The following BNIP2 variants were observed in gnomAD, a reference collection of about 807,000 sequenced individuals.
BNIP2 encodes the protein BCL2 interacting protein 2.
Under a neutral mutation model 43.4 loss-of-function variants are expected in BNIP2, and 36 were observed. The observed-to-expected ratio is 0.83, with a 90% CI of 0.64 to 1.10. The LOEUF (loss-of-function observed/expected upper bound fraction) is 1.10, where lower values mean the gene tolerates loss of function less well. Ranked by LOEUF, BNIP2 falls within the 50% of genes least tolerant of loss-of-function variation. BNIP2 has a pLI of 0.00. For synonymous variants in BNIP2, 146 were observed against 121.0 expected (o/e 1.21, Z -1.35); for missense variants, 417 against 374.1 (o/e 1.11, Z -0.95).
In BNIP2 at chr15:59,659,302, A is replaced by C. The variant is rs1257399951; in HGVS notation, c.*4767T>G. The C allele has an allele frequency of 1.3e-5, 2 of 152,238 alleles. No individual in the cohort carries two copies. The highest frequency in any genetic ancestry group is 4.8e-5 in the African/African-American group (2 of 41,456). 9.4% of individuals were successfully genotyped at this position (152,238 alleles called of 1,614,324 possible). The stretch of plus-strand genomic sequence containing the variant: ...TGGTATTTCTTACAGGGACCACATT[A>C]ATATCTTGCACACACAGACATCAGA... On this transcript the variant is annotated 3_prime_UTR_variant, in exon 10 of 10. Coordinates refer to ENST00000607373, the MANE Select transcript of BNIP2 (RefSeq NM_004330.4).
At chr15:59,668,396 C>G (rs1206698617) in intron 9 of BNIP2, among the ~76,000 whole-genome samples, 2 of 152,112 alleles carry the variant, frequency 1.3e-5, no homozygotes, top group Non-Finnish European at 2.9e-5. Flanking sequence ...AGCCTTCTAC[C>G]AAGTCCAAGA....
At chr15:59,674,189 C>A (rs576234100) in intron 5 of BNIP2, among the ~76,000 whole-genome samples, 1 of 151,502 alleles carries the variant, frequency 6.6e-6, no homozygotes, top group Non-Finnish European at 1.5e-5. Context: ...TATGTTTCAA[C>A]AGCAGTCTTT....
intron 6 of BNIP2, among the ~76,000 whole-genome samples, chr15:59,671,887 G>A (rs1892953752): frequency 6.6e-6 from 1 of 152,098 alleles, no homozygotes; most frequent in East Asian, 1.9e-4. Flanking sequence ...ACCAACCCTG[G>A]CAACATAGTG....
At chr15:59,681,018 TAAC>T (rs1893635052) in intron 2 of BNIP2, among the ~76,000 whole-genome samples, 1 of 152,188 alleles carries the variant, frequency 6.6e-6, no homozygotes, top group South Asian at 2.1e-4. Context: ...ATAAAACATG[TAAC>T]AATTTTAAAC....
Position 59,662,211 on chromosome 15 carries a change from T to A in BNIP2, c.*1858A>T, listed in dbSNP as rs1163675314. On this transcript the variant is annotated 3_prime_UTR_variant, in exon 10 of 10. Transcript: ENST00000607373. ...CAGCCCATTTTGAGCAAGATAAAGA[T>A]GTACAGATGAAAGACTACGTTAAAT... is the stretch of plus-strand genomic sequence containing the variant. 6.6e-6 allele frequency: 1 copy of A among 152,212 alleles called. No individual in the cohort carries two copies. Among genetic ancestry groups the A allele is most frequent in the Admixed American group, 6.5e-5 (1 of 15,284 alleles). 9.4% of individuals were successfully genotyped at this position (152,212 alleles called of 1,614,324 possible). A position where few individuals can be genotyped will look rare whatever the true frequency, so the allele number is the denominator to read the frequency against.
At chr15:59,673,389 C>T (rs1893058369) in intron 5 of BNIP2, among the ~76,000 whole-genome samples, 1 of 150,360 alleles carries the variant, frequency 6.7e-6, no homozygotes, top group African/African-American at 2.5e-5. Flanking sequence ...GCTGGGATTA[C>T]AGGCGTGAGC....
At position 59,664,039 on chromosome 15, in the gene BNIP2, C is replaced by G. The variant is rs1423668019; in HGVS notation, c.*30G>C. 6.6e-7 allele frequency: 1 copy of G among 1,510,406 alleles called. No homozygotes were observed. Among genetic ancestry groups the G allele is most frequent in the Non-Finnish European group, 8.9e-7 (1 of 1,120,400 alleles). The allele number at this position is 1,510,406 out of a possible 1,614,324, so 93.6% of individuals were successfully genotyped here. ...AACAGCACTGCTCCATCAGCACATT[C>G]TTCAGTCTTGTTTGGACTAGATGCC... On this transcript the variant is annotated 3_prime_UTR_variant, in exon 10 of 10. Coordinates refer to ENST00000607373, the MANE Select transcript of BNIP2 (RefSeq NM_004330.4).
At chr15:59,665,712 T>C (rs1257763710) in intron 9 of BNIP2, among the ~76,000 whole-genome samples, 1 of 152,242 alleles carries the variant, frequency 6.6e-6, no homozygotes, top group Admixed American at 6.5e-5. Flanking sequence ...AAGGATTACA[T>C]AATTACCACA....
chr15:59,685,618 A>G (rs553977571), intron 1 of BNIP2, among the ~76,000 whole-genome samples: 7 of 152,234 alleles, frequency 4.6e-5, no homozygotes, highest in South Asian at 4.1e-4. Context: ...TATCATATTG[A>G]ATCATGTGTT....
At chr15:59,686,545 C>A (rs141694733) in intron 1 of BNIP2, among the ~76,000 whole-genome samples, 12 of 152,084 alleles carry the variant, frequency 7.9e-5, no homozygotes, top group African/African-American at 2.7e-4. Context: ...CCCGGGCAAG[C>A]CTTTCACTTC....
intron 3 of BNIP2, 101 bp downstream of exon 3, chr15:59,680,140 G>C (rs1361626467): frequency 2.1e-6 from 2 of 935,150 alleles, no homozygotes; most frequent in African/African-American, 1.7e-5. Context: ...TTCTATGATG[G>C]AATAAAAACT....
In BNIP2 at chr15:59,677,439, T is replaced by C. The variant is rs1430573914; in HGVS notation, c.472+472A>G. The C allele has an allele frequency of 4.9e-5, 71 of 1,445,608 alleles. No individual in the cohort carries two copies. In the East Asian group the frequency reaches 1.6e-3, roughly 32 times the overall value. The allele number at this position is 1,445,608 out of a possible 1,614,324, so 89.5% of individuals were successfully genotyped here. On this transcript the variant is annotated intron_variant, in intron 5 of 9. Coordinates refer to ENST00000607373, the MANE Select transcript of BNIP2 (RefSeq NM_004330.4). ...ACACAGTCCTAGGAACCATTATGGATATAGTGCATCTCAGAGCCATAGAGC... is the reference window on the plus strand; with the variant it reads ...ACACAGTCCTAGGAACCATTATGGACATAGTGCATCTCAGAGCCATAGAGC...
intron 6 of BNIP2, among the ~76,000 whole-genome samples, chr15:59,671,661 GTTT>G (rs2141996843): frequency 6.6e-6 from 1 of 152,248 alleles, no homozygotes; most frequent in South Asian, 2.1e-4. Flanking sequence ...CCACAATACG[GTTT>G]TTAAAAACTG....
chr15:59,676,539 A>G (rs925654308), intron 5 of BNIP2, among the ~76,000 whole-genome samples: 1 of 152,172 alleles, frequency 6.6e-6, no homozygotes, highest in African/African-American at 2.4e-5. Flanking sequence ...TACTGTATGC[A>G]TATAATCATT....
At chr15:59,684,424 G>A (rs961670521) in intron 1 of BNIP2, among the ~76,000 whole-genome samples, 6 of 152,000 alleles carry the variant, frequency 3.9e-5, no homozygotes, top group Admixed American at 6.6e-5. Flanking sequence ...CTGTTGGGAG[G>A]GAAAAATAAA....
intron 1 of BNIP2, 109 bp downstream of exon 1, chr15:59,689,026 T>C: frequency 6.9e-7 from 1 of 1,449,778 alleles, no homozygotes; most frequent in Non-Finnish European, 9.0e-7. Context: ...CTCTCTGGGT[T>C]TCCTCTCCCC....
Position 59,679,635 on chromosome 15 carries a change from G to A in BNIP2, c.252C>T (p.Gly84=). ...TACTATTCTCTGACGGTGTGTCTAA[G>A]CCATCTAAGTCAATCTCCCCACTTT... ...LDESGEIDLD[G]LDTPSENSNE... The change falls in exon 4 of 10, where the codon GGC becomes GGT. Residue 84 remains glycine (G), a synonymous_variant. Transcript: ENST00000607373. The A allele has an allele frequency of 6.2e-7, 1 of 1,613,154 alleles. No homozygotes were observed. Among genetic ancestry groups the A allele is most frequent in the Non-Finnish European group, 8.5e-7 (1 of 1,179,532 alleles).
intron 7 of BNIP2, among the ~76,000 whole-genome samples, chr15:59,670,941 C>T (rs899234784): frequency 2.6e-5 from 4 of 151,958 alleles, no homozygotes; most frequent in African/African-American, 7.2e-5. Flanking sequence ...GGCGTGGTGG[C>T]GCATGCCTGT....
intron 8 of BNIP2, 80 bp downstream of exon 8, chr15:59,669,196 G>T: frequency 9.0e-7 from 1 of 1,116,670 alleles, no homozygotes; most frequent in Non-Finnish European, 1.3e-6. Context: ...TATCCCATAA[G>T]TATGTATAGT....
Sources: gnomAD v4.1 joint callset for allele counts (sites outside exome capture counted in the v4.1 genomes callset) on GRCh38, gnomAD v4.1.1 for gene constraint, MANE v1.5 for transcripts, NCBI Gene and HGNC (gene_info 2026-07-23, HGNC 2026-07-21) for gene names.